NSUN3: variants seen among roughly 807,000 people sequenced by gnomAD.
The protein encoded by NSUN3 is tRNA (cytosine(34)-C(5))-methyltransferase, mitochondrial.
In NSUN3, 24 loss-of-function variants were observed where a neutral mutation model predicts 36.8. The observed-to-expected ratio is 0.65, with a 90% confidence interval of 0.47 to 0.92. The LOEUF (loss-of-function observed/expected upper bound fraction) is 0.92, where lower values mean the gene tolerates loss of function less well. NSUN3 is among the 40% of genes least tolerant of loss of function. NSUN3 has a pLI of 0.00. For synonymous variants in NSUN3, 146 were observed against 145.2 expected (o/e 1.01, Z -0.04); for missense variants, 381 against 392.8 (o/e 0.97, Z 0.25).
chr3:94,094,343 T>C (rs1264370758), intron 4 of NSUN3, 49 bp downstream of exon 4: 1 of 1,520,882 alleles, frequency 6.6e-7, no homozygotes, highest in Non-Finnish European at 9.0e-7. Flanking sequence ...GTAATACCAC[T>C]ATTATGTTGC....
chr3:94,084,608 G>A (rs2077284719), intron 3 of NSUN3, 158 bp downstream of exon 3: 3 of 545,440 alleles, frequency 5.5e-6, no homozygotes, highest in South Asian at 6.2e-5. Flanking sequence ...TTTTTGCTGA[G>A]GAAGTCAGTA....
At chr3:94,090,139 T>G (rs571080111) in intron 3 of NSUN3, among the ~76,000 whole-genome samples, 1 of 152,280 alleles carries the variant, frequency 6.6e-6, no homozygotes, top group South Asian at 2.1e-4. Context: ...GACCAAAGAT[T>G]GCCATGTACA....
In NSUN3 at chr3:94,064,502, A is replaced by G. The variant is rs189036441; in HGVS notation, c.78A>G (p.Glu26=). ...GCAAAGTTGTGTTGGATCATTTTGA[A>G]AAACAGTATTCCAAAGAACTCGGAG... ...QICKVVLDHF[E]KQYSKELGDA... Residue 26 remains glutamate (E), a synonymous_variant, in exon 2 of 6, where the codon GAA becomes GAG. Transcript: ENST00000314622. 17 of 1,613,634 alleles carry G rather than the reference A, an allele frequency of 1.1e-5. No individual in the cohort carries two copies. The East Asian group carries it at 3.6e-4, about 34-fold the overall frequency.
chr3:94,088,850 G>T (rs1380130229), intron 3 of NSUN3, among the ~76,000 whole-genome samples: 1 of 151,934 alleles, frequency 6.6e-6, no homozygotes, highest in Non-Finnish European at 1.5e-5. Flanking sequence ...TGTATCTTTA[G>T]TAGAAATGGG....
At chr3:94,082,292 A>C (rs2077272659) in intron 2 of NSUN3, 1 of 152,232 alleles carries the variant, frequency 6.6e-6, no homozygotes, top group African/African-American at 2.4e-5. Flanking sequence ...CATCACCTGA[A>C]AACTTGCTAG....
At chr3:94,114,372 A>G (rs946620712) in intron 5 of NSUN3, among the ~76,000 whole-genome samples, 6 of 152,300 alleles carry the variant, frequency 3.9e-5, no homozygotes, top group East Asian at 3.9e-4. Flanking sequence ...TCGATTTGAT[A>G]AATCTTGTCA....
rs148551474 is a variant in NSUN3 at position 94,084,217 on chromosome 3, C to T, written c.233C>T (p.Ser78Phe). The T allele has an allele frequency of 1.4e-4, 231 of 1,614,142 alleles. 1 individual carries two copies. In the African/African-American group the frequency reaches 2.9e-3, roughly 20 times the overall value. ...DLHLKGYHTL[S>F]QGSLPNYPKS... ...CATTTGAAGGGCTATCACACACTCT[C>T]TCAGGGATCTTTACCCAACTATCCT... is the stretch of plus-strand genomic sequence containing the variant. Residue 78 changes from serine (S) to phenylalanine (F), a missense_variant, in exon 3 of 6, where the codon TCT becomes TTT. By Grantham distance (155) the Ser-to-Phe change is radical. Transcript: ENST00000314622.
chr3:94,069,595 G>GA (rs1297222739), intron 2 of NSUN3, among the ~76,000 whole-genome samples: 1 of 151,792 alleles, frequency 6.6e-6, no homozygotes, highest in Admixed American at 6.6e-5. Context: ...AGAGTAGTAG[G>GA]AAAAAAGAAT....
chr3:94,110,376 AGGAAGTTATCAGTGATAACT>A (rs1464388427), intron 5 of NSUN3, among the ~76,000 whole-genome samples: 4 of 152,118 alleles, frequency 2.6e-5, no homozygotes, highest in African/African-American at 9.7e-5. Flanking sequence ...TTTCAGTGAT[AGGAAGTTATCAGTGATAACT>A]TTGGGTTACA....
At chr3:94,118,395 T>C (rs1022902671) in intron 5 of NSUN3, among the ~76,000 whole-genome samples, 1 of 152,236 alleles carries the variant, frequency 6.6e-6, no homozygotes, top group Non-Finnish European at 1.5e-5. Context: ...CTACTGTTGT[T>C]AGTCATGACA....
chr3:94,090,395 A>C (rs972087504), intron 3 of NSUN3, among the ~76,000 whole-genome samples: 1 of 152,194 alleles, frequency 6.6e-6, no homozygotes, highest in Non-Finnish European at 1.5e-5. Context: ...GCTATTTTAA[A>C]ATGCTGACTT....
chr3:94,070,242 G>A lies in NSUN3; in HGVS notation c.122+5696G>A, dbSNP rs2077219949. ...AGATTTGCTTGAGGGCGGGAAGATT[G>A]CTTGAGGACAAGAGTTCAAGACCAG... On this transcript the variant is annotated intron_variant, in intron 2 of 5. Coordinates refer to ENST00000314622, the MANE Select transcript of NSUN3 (RefSeq NM_022072.5). 2.0e-5 allele frequency among the ~76,000 whole-genome samples: 3 copies of A among 152,106 alleles called. No individual in the cohort carries two copies. The South Asian group carries it at 6.2e-4, about 32-fold the overall frequency.
Position 94,084,146 on chromosome 3 carries a change from C to T in NSUN3, c.162C>T (p.Val54=), listed in dbSNP as rs2077282372. 1.2e-6 allele frequency: 2 copies of T among 1,613,896 alleles called. No homozygotes were observed. The highest frequency in any genetic ancestry group is 3.3e-5 in the Admixed American group (2 of 59,976). Residue 54 remains valine (V), a synonymous_variant, in exon 3 of 6, where the codon GTC becomes GTT. Coordinates refer to ENST00000314622, the MANE Select transcript of NSUN3 (RefSeq NM_022072.5). ...CTCCATCATGCTGGCAATATGCTGT[C>T]CTGCTTAACCGATTCAATTATCCTT... ...LTSPSCWQYA[V]LLNRFNYPFE... is the part of the protein sequence containing the mutation.
intron 2 of NSUN3, among the ~76,000 whole-genome samples, chr3:94,067,554 G>A (rs1002608576): frequency 1.3e-5 from 2 of 152,114 alleles, no homozygotes; most frequent in Non-Finnish European, 2.9e-5. Flanking sequence ...CTCTACTGCT[G>A]CCATTCACTT....
Position 94,084,115 on chromosome 3 carries a change from T to C in NSUN3, c.131T>C (p.Leu44Pro), listed in dbSNP as rs1270653583. 6.2e-7 allele frequency: 1 copy of C among 1,611,330 alleles called. No homozygotes were observed. The highest frequency in any genetic ancestry group is 8.5e-7 in the Non-Finnish European group (1 of 1,177,714). The change falls in exon 3 of 6, where the codon CTA becomes CCA. Residue 44 changes from leucine to proline, a missense_variant. Coordinates refer to ENST00000314622, the MANE Select transcript of NSUN3 (RefSeq NM_022072.5). ...TCTTTTTCTATTTCTAGGGAGATAC[T>C]AACATCTCCATCATGCTGGCAATAT... Reference protein sequence around the residue: ...GDAWNTVREILTSPSCWQYAV... With the variant: ...GDAWNTVREIPTSPSCWQYAV...
rs1560035655 is a variant in NSUN3, at chr3:94,095,138, C to A, written c.727C>A (p.Gln243Lys). ...TCAAAGGAGGAATTTGCCTCTTCTA[C>A]AGATAGAGCTGTTAAGGTAAGGACT... ...ISQRRNLPLL[Q>K]IELLRSAIKA... The change falls in exon 5 of 6, where the codon CAG (glutamine) becomes AAG (lysine). Residue 243 changes from glutamine to lysine, a missense_variant. Transcript: ENST00000314622. The A allele has an allele frequency of 6.2e-7, 1 of 1,613,656 alleles. No individual in the cohort carries two copies. The highest frequency in any genetic ancestry group is 8.5e-7 in the Non-Finnish European group (1 of 1,179,674).
At chr3:94,067,209 G>T (rs1041932751) in intron 2 of NSUN3, among the ~76,000 whole-genome samples, 1 of 152,182 alleles carries the variant, frequency 6.6e-6, no homozygotes, top group African/African-American at 2.4e-5. Flanking sequence ...ATACTCTTGT[G>T]CATACTGTCA....
At chr3:94,119,687 T>C (rs1468750563) in intron 5 of NSUN3, among the ~76,000 whole-genome samples, 1 of 152,246 alleles carries the variant, frequency 6.6e-6, no homozygotes. Context: ...GAGTGAGTTT[T>C]TACAAATTGC....
At chr3:94,080,622 T>A (rs979803278) in intron 2 of NSUN3, among the ~76,000 whole-genome samples, 1 of 152,192 alleles carries the variant, frequency 6.6e-6, no homozygotes, top group Non-Finnish European at 1.5e-5. Flanking sequence ...AGGAAAAATC[T>A]GACAGTCTGG....
Sources: gnomAD v4.1 joint callset for allele counts (sites outside exome capture counted in the v4.1 genomes callset) on GRCh38, gnomAD v4.1.1 for gene constraint, MANE v1.5 for transcripts, NCBI Gene and HGNC (gene_info 2026-07-23, HGNC 2026-07-21) for gene names.